Variants in ASTN2 observed in about 807,000 individuals in gnomAD.
The protein encoded by ASTN2 is astrotactin-2.
In ASTN2, 54 loss-of-function variants were observed where a neutral mutation model predicts 139.8. The ratio of observed to expected loss-of-function variants is 0.39; its 90% CI spans 0.31 to 0.48. The LOEUF is 0.48. Ranked by LOEUF, ASTN2 falls within the 20% of genes least tolerant of loss-of-function variation. The pLI is 0.95. For synonymous variants in ASTN2, 756 were observed against 719.5 expected, an observed-to-expected ratio of 1.05 and a Z score of -0.81; for missense variants, 1,565 against 1,725.1, an observed-to-expected ratio of 0.91 and a Z score of 1.64.
rs144317767 is a variant in ASTN2 at position 117,000,515 on chromosome 9, C to T, written c.1591+7577G>A. Among the ~76,000 whole-genome samples, 23 of 152,314 alleles carry T rather than the reference C, an allele frequency of 1.5e-4. No individual in the cohort carries two copies. In the East Asian group the frequency reaches 1.9e-3, roughly 13 times the overall value. The stretch of plus-strand genomic sequence containing the variant: ...GTGCAGAACTTTAATAAAGCTGTTT[C>T]GCAATAAGACATTACCCACATTGAT... On this transcript the variant is annotated intron_variant, in intron 7 of 22. Coordinates refer to ENST00000313400, the MANE Select transcript of ASTN2 (RefSeq NM_001365068.1).
chr9:117,156,040 G>C (rs1242109921), intron 3 of ASTN2, among the ~76,000 whole-genome samples: 2 of 151,980 alleles, frequency 1.3e-5, no homozygotes, highest in African/African-American at 4.8e-5. Flanking sequence ...ATGGAAGATT[G>C]TAATGGTATC....
intron 11 of ASTN2, among the ~76,000 whole-genome samples, chr9:116,837,547 C>G (rs576175070): frequency 6.6e-6 from 1 of 152,200 alleles, no homozygotes; most frequent in Non-Finnish European, 1.5e-5. Context: ...GACTTTTCAT[C>G]ATCACCAAGC....
At chr9:117,168,193 T>C (rs1228713392) in intron 3 of ASTN2, among the ~76,000 whole-genome samples, 3 of 152,046 alleles carry the variant, frequency 2.0e-5, no homozygotes, top group Admixed American at 2.0e-4. Flanking sequence ...GGGAGAGCTC[T>C]AAGGATGATG....
At chr9:116,825,718 T>A (rs1195544626) in intron 11 of ASTN2, among the ~76,000 whole-genome samples, 6 of 152,242 alleles carry the variant, frequency 3.9e-5, no homozygotes, top group Non-Finnish European at 8.8e-5. Context: ...AAAATGGGGT[T>A]TTACACCTTG....
At chr9:116,988,920 A>C (rs1836760962) in intron 7 of ASTN2, among the ~76,000 whole-genome samples, 1 of 152,158 alleles carries the variant, frequency 6.6e-6, no homozygotes, top group African/African-American at 2.4e-5. Flanking sequence ...TTGACCTGAA[A>C]GATGGGGAAC....
At chr9:117,230,052 C>A (rs914550911) in intron 2 of ASTN2, among the ~76,000 whole-genome samples, 1 of 151,620 alleles carries the variant, frequency 6.6e-6, no homozygotes, top group African/African-American at 2.4e-5. Context: ...ACATCTAGCC[C>A]CAGCTACTCA....
At chr9:116,973,281 T>G (rs1192259834) in intron 10 of ASTN2, among the ~76,000 whole-genome samples, 1 of 152,228 alleles carries the variant, frequency 6.6e-6, no homozygotes, top group Non-Finnish European at 1.5e-5. Flanking sequence ...CGGCACTTAC[T>G]TAGAAAATGA....
chr9:116,829,480 T>C (rs536956891), intron 11 of ASTN2, among the ~76,000 whole-genome samples: 1 of 152,094 alleles, frequency 6.6e-6, no homozygotes, highest in East Asian at 1.9e-4. Flanking sequence ...AATTTATAAA[T>C]AAAAGAGGTT....
chr9:116,532,412 T>C (rs1205370172), intron 19 of ASTN2, among the ~76,000 whole-genome samples: 2 of 152,194 alleles, frequency 1.3e-5, no homozygotes, highest in Non-Finnish European at 2.9e-5. Flanking sequence ...CTGTTTTTGG[T>C]GTTTTAGATA....
At chr9:117,298,653 T>A (rs1231737654) in intron 1 of ASTN2, among the ~76,000 whole-genome samples, 1 of 121,704 alleles carries the variant, frequency 8.2e-6, no homozygotes, top group Non-Finnish European at 1.7e-5. Flanking sequence ...TGTCTTGGTG[T>A]GTGTATATAT....
chr9:116,731,199 AT>A (rs1166853618), intron 14 of ASTN2, among the ~76,000 whole-genome samples: 30 of 147,818 alleles, frequency 2.0e-4, no homozygotes, highest in African/African-American at 6.9e-4. Context: ...AATAATAATA[AT>A]AATAATAATA....
At chr9:116,902,621 T>C (rs755093046) in intron 10 of ASTN2, among the ~76,000 whole-genome samples, 1 of 152,080 alleles carries the variant, frequency 6.6e-6, no homozygotes, top group Non-Finnish European at 1.5e-5. Context: ...TGTAGTATAA[T>C]CTAGGATGTT....
intron 19 of ASTN2, among the ~76,000 whole-genome samples, chr9:116,552,680 C>T (rs1237380578): frequency 6.6e-6 from 1 of 152,210 alleles, no homozygotes; most frequent in South Asian, 2.1e-4. Context: ...AGTACTCCAC[C>T]AGCTAGATGA....
At chr9:116,619,875 T>C (rs114107157) in intron 18 of ASTN2, among the ~76,000 whole-genome samples, 1,853 of 152,196 alleles carry the variant, frequency 0.012, 22 homozygotes, top group African/African-American at 0.039. Flanking sequence ...TGTTTTGGCA[T>C]CTATCTCCTC....
rs185476088 is a variant in ASTN2, at chr9:116,554,097, T to C, written c.3355+64227A>G. On this transcript the variant is annotated intron_variant, in intron 19 of 22. Transcript: ENST00000313400. ...AGATTACCTAATCACTTTATCACTA[T>C]AGTAGTTACATTAGTTCACTTAACT... Among the ~76,000 whole-genome samples, 6 of 152,372 alleles carry C rather than the reference T, an allele frequency of 3.9e-5. No individual in the cohort carries two copies. The East Asian group carries it at 7.7e-4, about 20-fold the overall frequency.
At chr9:117,309,893 T>C (rs1827918801) in intron 1 of ASTN2, among the ~76,000 whole-genome samples, 1 of 152,160 alleles carries the variant, frequency 6.6e-6, no homozygotes, top group African/African-American at 2.4e-5. Flanking sequence ...ATGCTGAGTT[T>C]AAGGCTCTGC....
intron 13 of ASTN2, among the ~76,000 whole-genome samples, chr9:116,783,962 T>C (rs1830292882): frequency 6.6e-6 from 1 of 152,230 alleles, no homozygotes. Context: ...AAGAGTCAAG[T>C]TAAGCAGGGG....
At chr9:117,371,978 A>G (rs1170779691) in intron 1 of ASTN2, among the ~76,000 whole-genome samples, 1 of 152,108 alleles carries the variant, frequency 6.6e-6, no homozygotes, top group Non-Finnish European at 1.5e-5. Context: ...AGGAGCATTC[A>G]CCCGAAAGGA....
At chr9:116,960,940 C>T (rs1888287) in intron 10 of ASTN2, among the ~76,000 whole-genome samples, 40,182 of 151,920 alleles carry the variant, frequency 0.26, 5,572 homozygotes, top group Admixed American at 0.36. Context: ...ATGAATCTCC[C>T]CAGGCTGCCC....
Sources: gnomAD v4.1 joint callset for allele counts (sites outside exome capture counted in the v4.1 genomes callset) on GRCh38, gnomAD v4.1.1 for gene constraint, MANE v1.5 for transcripts, NCBI Gene and HGNC (gene_info 2026-07-23, HGNC 2026-07-21) for gene names.